The following DTX4 variants were observed in gnomAD, a reference collection of about 807,000 sequenced individuals.
DTX4 encodes deltex E3 ubiquitin ligase 4.
In DTX4, 28 loss-of-function variants were observed where a neutral mutation model predicts 57.6. That is an observed-to-expected ratio of 0.49 (90% CI 0.36 to 0.67). The LOEUF is 0.67. Among genes scored for constraint, DTX4 ranks in the 30% least tolerant of loss-of-function variants. The pLI, the probability that DTX4 is intolerant of heterozygous loss-of-function variation, is 0.00. For missense variants in DTX4, 715 were observed against 836.8 expected (o/e 0.85, Z 1.80); for synonymous variants, 316 against 331.0 (o/e 0.95, Z 0.49).
rs183940229 is a variant in DTX4, at chr11:59,193,289, G to A, written c.1374+1039G>A. Among the ~76,000 whole-genome samples, 24 of 152,210 alleles carry A rather than the reference G, an allele frequency of 1.6e-4. 1 individual carries two copies. The East Asian group carries it at 4.6e-3, about 29-fold the overall frequency. On this transcript the variant is annotated intron_variant, in intron 6 of 8. Transcript: ENST00000227451. ...AGATTAAAACTATACCTACTTTATG[G>A]GGTCTTATGCTATTATTATTCAAAT...
rs779299976 is a variant in DTX4, at chr11:59,204,935, G to A, written c.*26G>A. On this transcript the variant is annotated 3_prime_UTR_variant, in exon 9 of 9. Transcript: ENST00000227451. ...GGCCAGAAAAGCTTTGAGGTGGGAG[G>A]GGCCATGGAGACTGCAGGACAGGAA... 140 of 1,546,804 alleles carry A rather than the reference G, an allele frequency of 9.1e-5. No homozygotes were observed. The highest frequency in any genetic ancestry group is 1.2e-4 in the Non-Finnish European group (137 of 1,140,828).
At chr11:59,179,877 T>C (rs1158732949) in intron 1 of DTX4, among the ~76,000 whole-genome samples, 2 of 151,718 alleles carry the variant, frequency 1.3e-5, no homozygotes, top group Non-Finnish European at 2.9e-5. Context: ...TTTTTCTCTC[T>C]CTCTTTCTTA....
intron 8 of DTX4, among the ~76,000 whole-genome samples, chr11:59,203,815 G>A (rs138702484): frequency 1.3e-5 from 2 of 152,290 alleles, no homozygotes; most frequent in South Asian, 2.1e-4. Flanking sequence ...TTACTGTAAC[G>A]ATTATATGTC....
At chr11:59,184,780 T>TC (rs1468781635) in intron 2 of DTX4, among the ~76,000 whole-genome samples, 4 of 152,294 alleles carry the variant, frequency 2.6e-5, no homozygotes, top group Non-Finnish European at 4.4e-5. Context: ...TTCTTTTTTT[T>TC]CTCTCTACTC....
At chr11:59,195,439 A>G in intron 7 of DTX4, 70 bp downstream of exon 7, 1 of 1,444,146 alleles carries the variant, frequency 6.9e-7, no homozygotes, top group Non-Finnish European at 9.2e-7. Context: ...TTTGTAGGTA[A>G]AAAGTTACAT....
At chr11:59,197,550 G>A (rs1055202091) in intron 7 of DTX4, among the ~76,000 whole-genome samples, 1 of 152,134 alleles carries the variant, frequency 6.6e-6, no homozygotes, top group Non-Finnish European at 1.5e-5. Context: ...TGGATGTGCA[G>A]TTAGGAATAT....
At chr11:59,176,733 G>A (rs1190631730) in intron 1 of DTX4, among the ~76,000 whole-genome samples, 1 of 152,232 alleles carries the variant, frequency 6.6e-6, no homozygotes, top group East Asian at 1.9e-4. Flanking sequence ...AAGGTTTTGG[G>A]TGCTTTGTAA....
intron 2 of DTX4, among the ~76,000 whole-genome samples, chr11:59,184,700 G>C (rs1199536605): frequency 6.6e-6 from 1 of 152,186 alleles, no homozygotes; most frequent in Non-Finnish European, 1.5e-5. Context: ...CCCGCTCATA[G>C]AATTGGGGCT....
At chr11:59,176,953 A>G (rs899761659) in intron 1 of DTX4, among the ~76,000 whole-genome samples, 2 of 152,164 alleles carry the variant, frequency 1.3e-5, no homozygotes, top group African/African-American at 4.8e-5. Flanking sequence ...AAATCCCACC[A>G]TGTCTATTGT....
rs760038957 is a variant in DTX4 at position 59,181,838 on chromosome 11, C to T, written c.311C>T (p.Pro104Leu). The change falls in exon 2 of 9, where the codon CCC becomes CTC. Residue 104 changes from proline to leucine, a missense_variant. Coordinates refer to ENST00000227451, the MANE Select transcript of DTX4 (RefSeq NM_015177.2). ...GAGAACGACAATGGCTCCTGGACGC[C>T]CTACGACATGGAAGTGGGCATCACC... is the stretch of plus-strand genomic sequence containing the variant. ...EWENDNGSWT[P>L]YDMEVGITIQ... The T allele has an allele frequency of 6.2e-7, 1 of 1,613,944 alleles. No individual in the cohort carries two copies. The highest frequency in any genetic ancestry group is 1.7e-5 in the Admixed American group (1 of 60,026).
Position 59,204,983 on chromosome 11 carries a change from G to A in DTX4, c.*74G>A. ...GAAGTGAGGAGAGTGAGTCAATGTA[G>A]AAGAAGTTGGTGTCCTGCCCTCCCA... is the stretch of plus-strand genomic sequence containing the variant. On this transcript the variant is annotated 3_prime_UTR_variant, in exon 9 of 9. Coordinates refer to ENST00000227451, the MANE Select transcript of DTX4 (RefSeq NM_015177.2). 1 of 1,370,382 alleles carries A rather than the reference G, an allele frequency of 7.3e-7. No individual in the cohort carries two copies. The highest frequency in any genetic ancestry group is 2.5e-5 in the East Asian group (1 of 39,830). 84.9% of individuals were successfully genotyped at this position (1,370,382 alleles called of 1,614,324 possible). A position where few individuals can be genotyped will look rare whatever the true frequency, so the allele number is the denominator to read the frequency against.
At chr11:59,203,069 A>C (rs1281818344) in intron 8 of DTX4, among the ~76,000 whole-genome samples, 2 of 152,244 alleles carry the variant, frequency 1.3e-5, no homozygotes, top group Non-Finnish European at 2.9e-5. Flanking sequence ...ACTTACCACG[A>C]ATGGTACTTG....
intron 1 of DTX4, among the ~76,000 whole-genome samples, chr11:59,179,408 G>C (rs1024334114): frequency 6.6e-6 from 1 of 152,200 alleles, no homozygotes; most frequent in Non-Finnish European, 1.5e-5. Flanking sequence ...TTCTGTTCCT[G>C]TTTTTGTACC....
At chr11:59,185,395 GT>G (rs959228069) in intron 2 of DTX4, 4 of 152,170 alleles carry the variant, frequency 2.6e-5, no homozygotes, top group Non-Finnish European at 5.9e-5. Context: ...TTAGTTTTAT[GT>G]TTTAGCGACA....
chr11:59,179,533 C>G (rs989284554), intron 1 of DTX4, among the ~76,000 whole-genome samples: 1 of 152,254 alleles, frequency 6.6e-6, no homozygotes, highest in Non-Finnish European at 1.5e-5. Flanking sequence ...GCCCCAGACT[C>G]AGCCACATTG....
intron 5 of DTX4, 23 bp from the exon 6 acceptor site, chr11:59,192,075 T>A (rs1426721392): frequency 6.2e-7 from 1 of 1,604,194 alleles, no homozygotes; most frequent in Admixed American, 1.7e-5. Context: ...ACAGCCTCTC[T>A]GCTGTGTCTC....
chr11:59,203,154 A>T (rs997817427), intron 8 of DTX4, among the ~76,000 whole-genome samples: 1 of 152,230 alleles, frequency 6.6e-6, no homozygotes, highest in Non-Finnish European at 1.5e-5. Flanking sequence ...ACTACTAAAG[A>T]CTTTATAAAC....
chr11:59,198,153 C>T (rs1862697571), intron 7 of DTX4, among the ~76,000 whole-genome samples: 1 of 152,170 alleles, frequency 6.6e-6, no homozygotes, highest in Non-Finnish European at 1.5e-5. Context: ...GAGAACTATT[C>T]CCTTGGGGAG....
In DTX4 at chr11:59,200,085, G is replaced by A. The variant is rs116203597; in HGVS notation, c.1626+312G>A. 4.2e-3 allele frequency among the ~76,000 whole-genome samples: 642 copies of A among 152,308 alleles called. 6 individuals are homozygous for A. Among genetic ancestry groups the A allele is most frequent in the African/African-American group, 0.013 (556 of 41,574 alleles). On this transcript the variant is annotated intron_variant, in intron 8 of 8. Transcript: ENST00000227451. The stretch of plus-strand genomic sequence containing the variant: ...AGGTTTAATTGACTCTCAGTTCCAC[G>A]TGGCTGGGAAGTCCCCACAATCATG...
Sources: gnomAD v4.1 joint callset for allele counts (sites outside exome capture counted in the v4.1 genomes callset) on GRCh38, gnomAD v4.1.1 for gene constraint, MANE v1.5 for transcripts, NCBI Gene and HGNC (gene_info 2026-07-23, HGNC 2026-07-21) for gene names.